The following DHX37 variants were observed in gnomAD, a reference collection of about 807,000 sequenced individuals.
DHX37 encodes the protein DEAH-box helicase 37.
DHX37 carries 52 observed loss-of-function variants against 134.3 expected under a neutral mutation model. The observed-to-expected ratio is 0.39, with a 90% CI of 0.31 to 0.49. The LOEUF is 0.49. Ranked by LOEUF, DHX37 falls within the 20% of genes least tolerant of loss-of-function variation. The pLI, the probability that DHX37 is intolerant of heterozygous loss-of-function variation, is 0.93. For missense variants in DHX37, 1,344 were observed against 1,580.8 expected (o/e 0.85, Z 2.54); for synonymous variants, 634 against 670.7 (o/e 0.95, Z 0.85).
intron 5 of DHX37, among the ~76,000 whole-genome samples, chr12:124,975,828 CGATG>C (rs1031976579): frequency 6.6e-6 from 1 of 152,164 alleles, no homozygotes; most frequent in Non-Finnish European, 1.5e-5. Context: ...CCCGCCAAGC[CGATG>C]GGTGGCTGGT....
intron 11 of DHX37, 113 bp downstream of exon 11, chr12:124,967,010 G>C (rs1378689761): frequency 6.5e-7 from 1 of 1,531,624 alleles, no homozygotes; most frequent in African/African-American, 1.4e-5. Context: ...GGATGGCAAA[G>C]GTGCTGATGC....
rs549107106 is a variant in DHX37, at chr12:124,959,080, T to C, written c.2157+1232A>G. Among the ~76,000 whole-genome samples, 14 of 149,898 alleles carry C rather than the reference T, an allele frequency of 9.3e-5. No individual in the cohort carries two copies. The South Asian group carries it at 1.1e-3, about 11-fold the overall frequency. ...ACCTGTCACCACACCTGGCTTTTTTTTTTTTTTTTTGGAGACGGAGTCTCG... is the reference window on the plus strand; with the variant it reads ...ACCTGTCACCACACCTGGCTTTTTTCTTTTTTTTTTGGAGACGGAGTCTCG... On this transcript the variant is annotated intron_variant, in intron 16 of 26. Transcript: ENST00000308736.
Position 124,966,806 on chromosome 12 carries a change from T to G in DHX37, c.1577A>C (p.Lys526Thr). ...KFKKSRARAK[K>T]ARAEVLPQIN... ...CCCCCCACGTACCTCAGCCCGCGCC[T>G]TCTTGGCCCTGGCCCTTGACTTCTT... Residue 526 changes from lysine to threonine, a missense_variant, in exon 12 of 27, where the codon AAG (lysine) becomes ACG (threonine). By Grantham distance (78) the Lys-to-Thr change is moderately conservative (BLOSUM62 -1). Around this residue, in one of 7 missense-constraint regions of DHX37, gnomAD observed 289 missense variants for 323.8 expected, o/e 0.89. Coordinates refer to ENST00000308736, the MANE Select transcript of DHX37 (RefSeq NM_032656.4). 6.2e-7 allele frequency: 1 copy of G among 1,614,224 alleles called. No homozygotes were observed. The highest frequency in any genetic ancestry group is 1.3e-5 in the African/African-American group (1 of 75,070).
chr12:124,949,437 C>A lies in DHX37; in HGVS notation c.3290+549G>T, dbSNP rs1486240228. On this transcript the variant is annotated intron_variant, in intron 25 of 26. Coordinates refer to ENST00000308736, the MANE Select transcript of DHX37 (RefSeq NM_032656.4). This position sits in a 1 kb window ranked among gnomAD's most constrained non-coding sequence, Gnocchi z 4.0. Reference sequence around the variant, plus strand: ...CAGAGGGCAAGGGTGAGCCCTGAAGCAGAGGTGGTGGGCGGGATGGGGCAG... The same window carrying A: ...CAGAGGGCAAGGGTGAGCCCTGAAGAAGAGGTGGTGGGCGGGATGGGGCAG... Among the ~76,000 whole-genome samples the A allele has an allele frequency of 6.6e-6, 1 of 151,224 alleles. No individual in the cohort carries two copies. The highest frequency in any genetic ancestry group is 1.5e-5 in the Non-Finnish European group (1 of 67,798).
Position 124,979,301 on chromosome 12 carries a change from G to A in DHX37, c.738+1189C>T, listed in dbSNP as rs138235470. ...GGAGGGTCACTTGAGCCTCGGAGGC[G>A]GAGGTTGCAGTCAGCTGAGATCAAA... On this transcript the variant is annotated intron_variant, in intron 4 of 26. Coordinates refer to ENST00000308736, the MANE Select transcript of DHX37 (RefSeq NM_032656.4). 5.7e-3 allele frequency among the ~76,000 whole-genome samples: 870 copies of A among 152,286 alleles called. 13 individuals are homozygous for A. The highest frequency in any genetic ancestry group is 0.02 in the African/African-American group (827 of 41,552).
intron 8 of DHX37, among the ~76,000 whole-genome samples, chr12:124,970,396 A>C (rs572410351): frequency 9.8e-5 from 15 of 152,342 alleles, no homozygotes; most frequent in Admixed American, 6.5e-4. Context: ...ATGAAATGTG[A>C]ATCACAGCCC....
intron 8 of DHX37, among the ~76,000 whole-genome samples, chr12:124,970,046 C>T (rs903027607): frequency 1.3e-5 from 2 of 152,234 alleles, no homozygotes; most frequent in African/African-American, 4.8e-5. Flanking sequence ...GATCGCGGCT[C>T]ACTGCAAGCT....
chr12:124,983,338 C>G (rs1954793210), intron 2 of DHX37, among the ~76,000 whole-genome samples: 1 of 151,672 alleles, frequency 6.6e-6, no homozygotes, highest in Non-Finnish European at 1.5e-5. Context: ...ACCTCATGAT[C>G]TGCCCGCCTC....
chr12:124,973,797 C>T (rs919440880), intron 6 of DHX37, among the ~76,000 whole-genome samples: 6 of 152,020 alleles, frequency 3.9e-5, no homozygotes, highest in African/African-American at 7.2e-5. Context: ...TGTGCCACCA[C>T]ACCCAGCTAA....
rs1449232823 is a variant in DHX37 at position 124,949,482 on chromosome 12, G to T, written c.3290+504C>A. Among the ~76,000 whole-genome samples the T allele has an allele frequency of 6.8e-6, 1 of 147,048 alleles. No homozygotes were observed. The highest frequency in any genetic ancestry group is 1.5e-5 in the Non-Finnish European group (1 of 65,912). ...GGGCAGGGGTCTGCTTAGCTGGGAG[G>T]AAGTCCCCAGGGCCAGGAGGGCAGG... is the stretch of plus-strand genomic sequence containing the variant. On this transcript the variant is annotated intron_variant, in intron 25 of 26. Coordinates refer to ENST00000308736, the MANE Select transcript of DHX37 (RefSeq NM_032656.4). The surrounding 1 kb of genome is among the most constrained non-coding windows in gnomAD (Gnocchi z 4.0).
At chr12:124,977,685 C>G (rs1954674060) in intron 4 of DHX37, among the ~76,000 whole-genome samples, 195 bp from the exon 5 acceptor site, 1 of 152,150 alleles carries the variant, frequency 6.6e-6, no homozygotes, top group East Asian at 1.9e-4. Flanking sequence ...CTTCAGGACA[C>G]CAGGACTGAC....
In DHX37 at chr12:124,980,069, G is replaced by C. The variant is rs1035540602; in HGVS notation, c.738+421C>G. Among the ~76,000 whole-genome samples the C allele has an allele frequency of 4.6e-5, 7 of 152,246 alleles. No homozygotes were observed. The highest frequency in any genetic ancestry group is 1.4e-4 in the African/African-American group (6 of 41,456). On this transcript the variant is annotated intron_variant, in intron 4 of 26. Transcript: ENST00000308736. The surrounding 1 kb of genome is among the most constrained non-coding windows in gnomAD (Gnocchi z 5.3). ...CAGGAAGGAAACAGGCACAGAGAGG[G>C]GGAGCCCCTTCAGTAGCCGGAATAT...
intron 4 of DHX37, among the ~76,000 whole-genome samples, chr12:124,977,821 T>C (rs1381652573): frequency 1.3e-5 from 2 of 152,140 alleles, no homozygotes; most frequent in African/African-American, 4.8e-5. Flanking sequence ...GCAAATTTTC[T>C]CAAAGTTAAG....
intron 3 of DHX37, among the ~76,000 whole-genome samples, chr12:124,981,880 T>C (rs1429902412): frequency 2.6e-5 from 4 of 150,966 alleles, no homozygotes; most frequent in Admixed American, 2.6e-4. Flanking sequence ...TCCCAGCACT[T>C]TGGGAGGCCG....
At chr12:124,948,559 T>C in intron 25 of DHX37, 1 of 265,930 alleles carries the variant, frequency 3.8e-6, no homozygotes, top group Non-Finnish European at 7.3e-6. Context: ...CCAGCCTGGC[T>C]AACATGGTGA....
rs948774737 is a variant in DHX37 at position 124,980,926 on chromosome 12, G to C, written c.390-88C>G. 5.6e-6 allele frequency: 8 copies of C among 1,432,206 alleles called. No individual in the cohort carries two copies. The Admixed American group carries it at 2.0e-4, about 36-fold the overall frequency. 88.7% of individuals were successfully genotyped at this position (1,432,206 alleles called of 1,614,324 possible). A position where few individuals can be genotyped will look rare whatever the true frequency, so the allele number is the denominator to read the frequency against. ...CAAGGCCATACCCCTTTCTGCCTCA[G>C]GGACTTTGCACCTGCTGTTCCACTC... On this transcript the variant is annotated intron_variant, in intron 3 of 26. Coordinates refer to ENST00000308736, the MANE Select transcript of DHX37 (RefSeq NM_032656.4). This position sits in a 1 kb window ranked among gnomAD's most constrained non-coding sequence, Gnocchi z 5.3.
In DHX37 at chr12:124,949,064, G is replaced by C. The variant is rs1953923522; in HGVS notation, c.3291-883C>G. Among the ~76,000 whole-genome samples, 1 of 152,034 alleles carries C rather than the reference G, an allele frequency of 6.6e-6. No homozygotes were observed. The highest frequency in any genetic ancestry group is 2.1e-4 in the South Asian group (1 of 4,816). ...AGTGAGGCTCTCCCCGACCAGCCCAGTCGCACTCCACCCCCTGCCCACCGA... is the reference window on the plus strand; with the variant it reads ...AGTGAGGCTCTCCCCGACCAGCCCACTCGCACTCCACCCCCTGCCCACCGA... On this transcript the variant is annotated intron_variant, in intron 25 of 26. Transcript: ENST00000308736. This position sits in a 1 kb window ranked among gnomAD's most constrained non-coding sequence, Gnocchi z 4.0.
At chr12:124,952,775 G>C (rs531972514) in intron 20 of DHX37, 2 of 422,570 alleles carry the variant, frequency 4.7e-6, no homozygotes, top group African/African-American at 4.1e-5. Context: ...TTCTCCCTTG[G>C]GACAAAGCCC....
At chr12:124,978,775 T>C (rs1954698076) in intron 4 of DHX37, among the ~76,000 whole-genome samples, 1 of 148,336 alleles carries the variant, frequency 6.7e-6, no homozygotes, top group African/African-American at 2.5e-5. Flanking sequence ...AAAATAAAAA[T>C]AAAAAAGTTA....
Sources: allele counts gnomAD v4.1 joint callset (sites outside exome capture counted in the v4.1 genomes callset), GRCh38; gene constraint gnomAD v4.1.1; regional missense constraint gnomAD v4.1.1; non-coding constraint Gnocchi (gnomAD v3.1); transcripts MANE v1.5; gene names NCBI Gene and HGNC (gene_info 2026-07-23, HGNC 2026-07-21).